Variants in AHRR observed in about 807,000 individuals in gnomAD.
The protein encoded by AHRR is ahR repressor.
A neutral mutation model predicts 44.0 loss-of-function variants in AHRR; 28 were observed. The ratio of observed to expected loss-of-function variants is 0.64; its 90% CI spans 0.47 to 0.87. The LOEUF is 0.87. Among genes scored for constraint, AHRR ranks in the 40% least tolerant of loss-of-function variants. The pLI is 0.00. For synonymous variants in AHRR, 434 were observed against 407.0 expected, an observed-to-expected ratio of 1.07 and a Z score of -0.80; for missense variants, 990 against 953.9, an observed-to-expected ratio of 1.04 and a Z score of -0.50.
Position 423,896 on chromosome 5 carries a change from G to T in AHRR, c.627G>T (p.Thr209=). The T allele has an allele frequency of 1.2e-6, 2 of 1,604,674 alleles. No homozygotes were observed. Among genetic ancestry groups the T allele is most frequent in the Non-Finnish European group, 1.7e-6 (2 of 1,179,866 alleles). ...GGGCCCAGGAGTGGGGCACAGGCAC[G>T]CCCACCGAGTACTCGGCCTTCCTGA... The part of the protein sequence containing the change: ...LLRAQEWGTG[T]PTEYSAFLTR... Residue 209 remains threonine (T), a synonymous_variant, in exon 7 of 11, where the codon ACG becomes ACT. Coordinates refer to ENST00000684583, the MANE Select transcript of AHRR (RefSeq NM_001377236.1).
intron 3 of AHRR, among the ~76,000 whole-genome samples, chr5:359,487 G>A (rs1464400599): frequency 6.6e-6 from 1 of 152,222 alleles, no homozygotes; most frequent in Non-Finnish European, 1.5e-5. Flanking sequence ...GCACAGAGGT[G>A]TGTGTTCTTG....
chr5:376,817 C>T (rs1294535830), intron 4 of AHRR, 101 bp downstream of exon 4: 26 of 1,036,492 alleles, frequency 2.5e-5, no homozygotes, highest in African/African-American at 4.8e-5. Flanking sequence ...TTCAGGCCCT[C>T]ACCCAGGAGG....
chr5:331,936 G>A lies in AHRR; in HGVS notation c.-11+10117G>A, dbSNP rs1741936149. Among the ~76,000 whole-genome samples, 6 of 152,194 alleles carry A rather than the reference G, an allele frequency of 3.9e-5. No individual in the cohort carries two copies. In the South Asian group the frequency reaches 1.2e-3, roughly 32 times the overall value. The stretch of plus-strand genomic sequence containing the variant: ...AAAACCAGTACATGATGCCAAAAAG[G>A]TTGGGGACCACCACTATAAACTTCC... On this transcript the variant is annotated intron_variant, in intron 1 of 10. Coordinates refer to ENST00000684583, the MANE Select transcript of AHRR (RefSeq NM_001377236.1).
At chr5:427,542 G>T in intron 7 of AHRR, 1 of 1,462,764 alleles carries the variant, frequency 6.8e-7, no homozygotes. Flanking sequence ...ACACACGCGG[G>T]AATGAACCTG....
chr5:423,117 C>T (rs892549186), intron 6 of AHRR, among the ~76,000 whole-genome samples: 2 of 152,264 alleles, frequency 1.3e-5, no homozygotes, highest in East Asian at 1.9e-4. Flanking sequence ...TTGAGGTCAC[C>T]GCCATTCTTG....
At chr5:428,915 G>A (rs1262057129) in intron 8 of AHRR, among the ~76,000 whole-genome samples, 1 of 150,638 alleles carries the variant, frequency 6.6e-6, no homozygotes, top group Non-Finnish European at 1.5e-5. Context: ...CTGACAGGCA[G>A]TGGAGCTCTG....
At chr5:426,731 G>A (rs754766664) in intron 7 of AHRR, among the ~76,000 whole-genome samples, 23 of 113,266 alleles carry the variant, frequency 2.0e-4, no homozygotes, top group Non-Finnish European at 3.5e-4. Flanking sequence ...AGATAGATGG[G>A]TGGATGGATG....
Position 337,734 on chromosome 5 carries a change from G to A in AHRR, c.-10-6159G>A, listed in dbSNP as rs955712581. On this transcript the variant is annotated intron_variant, in intron 1 of 10. Coordinates refer to ENST00000684583, the MANE Select transcript of AHRR (RefSeq NM_001377236.1). The surrounding 1 kb of genome is among the most constrained non-coding windows in gnomAD (Gnocchi z 4.1). ...GCTGCGGGAGGCCCCTAAGGAGTGCGCTTGGAAGGGGGCTCCCTTCCCAAA... is the reference window on the plus strand; with the variant it reads ...GCTGCGGGAGGCCCCTAAGGAGTGCACTTGGAAGGGGGCTCCCTTCCCAAA... Among the ~76,000 whole-genome samples, 3 of 152,172 alleles carry A rather than the reference G, an allele frequency of 2.0e-5. No individual in the cohort carries two copies. The highest frequency in any genetic ancestry group is 4.8e-5 in the African/African-American group (2 of 41,430).
intron 8 of AHRR, 91 bp from the exon 9 acceptor site, chr5:432,372 C>T: frequency 7.8e-7 from 1 of 1,275,062 alleles, no homozygotes; most frequent in Non-Finnish European, 1.1e-6. Flanking sequence ...CAATACCTGT[C>T]ATTATTAATT....
Position 411,367 on chromosome 5 carries a change from C to A in AHRR, c.352-1977C>A, listed in dbSNP as rs568778748. Among the ~76,000 whole-genome samples, 1 of 152,072 alleles carries A rather than the reference C, an allele frequency of 6.6e-6. No homozygotes were observed. The highest frequency in any genetic ancestry group is 1.9e-4 in the East Asian group (1 of 5,160). ...CAATTTTGGGTCTGTGTAGCTGCAC[C>A]TGTTCTTACCATTCTCCGTCATTTT... On this transcript the variant is annotated intron_variant, in intron 4 of 10. Transcript: ENST00000684583. This position sits in a 1 kb window ranked among gnomAD's most constrained non-coding sequence, Gnocchi z 4.2.
At chr5:360,610 C>T (rs987030324) in intron 3 of AHRR, among the ~76,000 whole-genome samples, 2 of 152,048 alleles carry the variant, frequency 1.3e-5, no homozygotes, top group African/African-American at 4.8e-5. Context: ...GAGCTGTGGT[C>T]GTAGAGAACA....
At position 423,896 on chromosome 5, in the gene AHRR, G is replaced by A. The variant is rs368710493; in HGVS notation, c.627G>A (p.Thr209=). ...LLRAQEWGTG[T]PTEYSAFLTR... ...GGGCCCAGGAGTGGGGCACAGGCAC[G>A]CCCACCGAGTACTCGGCCTTCCTGA... The change falls in exon 7 of 11, where the codon ACG becomes ACA. Residue 209 remains threonine (T), a synonymous_variant. Coordinates refer to ENST00000684583, the MANE Select transcript of AHRR (RefSeq NM_001377236.1). 6.2e-6 allele frequency: 10 copies of A among 1,604,674 alleles called. No individual in the cohort carries two copies. Among genetic ancestry groups the A allele is most frequent in the Admixed American group, 1.7e-5 (1 of 60,018 alleles).
At chr5:354,450 T>C (rs1011470301) in intron 3 of AHRR, among the ~76,000 whole-genome samples, 2 of 152,034 alleles carry the variant, frequency 1.3e-5, no homozygotes, top group Admixed American at 6.5e-5. Flanking sequence ...GGGGCTGCCC[T>C]CTCGTGGGGA....
At chr5:346,957 C>T (rs1450867120) in intron 2 of AHRR, among the ~76,000 whole-genome samples, 1 of 152,204 alleles carries the variant, frequency 6.6e-6, no homozygotes, top group Admixed American at 6.5e-5. Context: ...AAATCCCCCA[C>T]ACTCGTGTAT....
rs574573184 is a variant in AHRR, at chr5:388,671, T to C, written c.351+11955T>C. ...GGCTTGGTGACATGAGGAGCGGGGG[T>C]GTCAGAGCCAGGGGCACCGTCCTCC... is the stretch of plus-strand genomic sequence containing the variant. On this transcript the variant is annotated intron_variant, in intron 4 of 10. Transcript: ENST00000684583. This position sits in a 1 kb window ranked among gnomAD's most constrained non-coding sequence, Gnocchi z 5.2. Among the ~76,000 whole-genome samples, 8 of 151,474 alleles carry C rather than the reference T, an allele frequency of 5.3e-5. No homozygotes were observed. Among genetic ancestry groups the C allele is most frequent in the Non-Finnish European group, 7.4e-5 (5 of 67,856 alleles).
At position 389,023 on chromosome 5, in the gene AHRR, C is replaced by T. The variant is rs149993867; in HGVS notation, c.351+12307C>T. On this transcript the variant is annotated intron_variant, in intron 4 of 10. Transcript: ENST00000684583. ...TGGGGCTCAGGGCTGTCCTGGGGGC[C>T]CTGCTGGGCCAGACGCCCCATGAGC... 3.4e-3 allele frequency among the ~76,000 whole-genome samples: 523 copies of T among 152,226 alleles called. 2 individuals carry two copies. Among genetic ancestry groups the T allele is most frequent in the Non-Finnish European group, 6.3e-3 (427 of 67,992 alleles).
In AHRR at chr5:434,542, C is replaced by T; in HGVS notation, c.1802C>T (p.Thr601Ile). 1 of 1,608,136 alleles carries T rather than the reference C, an allele frequency of 6.2e-7. No homozygotes were observed. ...VRGAQPHGRA[T>I]AGRSRELTPF... is the part of the protein sequence containing the mutation. ...GGGGCTCAGCCCCATGGGAGGGCCA[C>T]TGCTGGGCGCAGCAGGGAGCTGACC... is the stretch of plus-strand genomic sequence containing the variant. The change falls in exon 11 of 11, where the codon ACT (threonine) becomes ATT (isoleucine). Residue 601 changes from threonine to isoleucine, a missense_variant. By Grantham distance (89) the Thr-to-Ile change is moderately conservative. Transcript: ENST00000684583.
At chr5:416,965 C>T (rs928266621) in intron 5 of AHRR, among the ~76,000 whole-genome samples, 6 of 87,222 alleles carry the variant, frequency 6.9e-5, no homozygotes, top group African/African-American at 1.9e-4. Context: ...TAGAGAAGGC[C>T]GCTTGGTCTG....
In AHRR at chr5:434,230, C is replaced by A; in HGVS notation, c.1490C>A (p.Ala497Asp). The change falls in exon 11 of 11, where the codon GCT becomes GAT. Residue 497 changes from alanine to aspartate, a missense_variant. By Grantham distance (126) the Ala-to-Asp change is moderately radical. Coordinates refer to ENST00000684583, the MANE Select transcript of AHRR (RefSeq NM_001377236.1). ...CAGCACCAGCTCCCTCAGCCTGGAG[C>A]TCAGCGTTTTGCCACGAGGGGCTAT... is the stretch of plus-strand genomic sequence containing the variant. The part of the protein sequence containing the change: ...SLQHQLPQPG[A>D]QRFATRGYPM... The A allele has an allele frequency of 6.3e-7, 1 of 1,591,232 alleles. No individual in the cohort carries two copies. Among genetic ancestry groups the A allele is most frequent in the South Asian group, 1.2e-5 (1 of 86,630 alleles).
Sources: gnomAD v4.1 joint callset for allele counts (sites outside exome capture counted in the v4.1 genomes callset) on GRCh38, gnomAD v4.1.1 for gene constraint, Gnocchi (gnomAD v3.1) non-coding constraint, MANE v1.5 for transcripts, NCBI Gene and HGNC (gene_info 2026-07-23, HGNC 2026-07-21) for gene names.